Variants in ANKRD30BL observed in about 807,000 individuals in gnomAD.
ANKRD30BL encodes ankyrin repeat domain 30B like.
Under a neutral mutation model 18.4 loss-of-function variants are expected in ANKRD30BL, and 20 were observed. That is an observed-to-expected ratio of 1.09 (90% confidence interval 0.77 to 1.58). The LOEUF (loss-of-function observed/expected upper bound fraction) is 1.58. Ranked by LOEUF, ANKRD30BL falls within the 40% of genes most tolerant of loss-of-function variation. The pLI is 0.00. For synonymous variants in ANKRD30BL, 72 were observed against 100.9 expected (o/e 0.71, Z 1.72); for missense variants, 224 against 268.6 (o/e 0.83, Z 1.16).
intron 1 of ANKRD30BL, among the ~76,000 whole-genome samples, chr2:132,229,931 G>C (rs550342447): frequency 2.0e-5 from 3 of 151,878 alleles, no homozygotes; most frequent in African/African-American, 7.3e-5. Context: ...TATTTGGAAC[G>C]CTTGGAGGCC....
chr2:132,150,724 A>G (rs1465367585), intron 5 of ANKRD30BL, among the ~76,000 whole-genome samples, 188 bp downstream of exon 5: 2 of 151,980 alleles, frequency 1.3e-5, no homozygotes, highest in African/African-American at 2.4e-5. Flanking sequence ...CTACAACTAA[A>G]TTCTTAATGA....
At chr2:132,196,145 AAAAAAAAAAAG>A (rs1678962837) in intron 1 of ANKRD30BL, among the ~76,000 whole-genome samples, 1 of 151,414 alleles carries the variant, frequency 6.6e-6, no homozygotes, top group African/African-American at 2.4e-5. Context: ...CCATCTCAAA[AAAAAAAAAAAG>A]AAAAAGAAAA....
intron 1 of ANKRD30BL, among the ~76,000 whole-genome samples, chr2:132,253,884 G>GGGCCA (rs1475369466): frequency 2.6e-5 from 4 of 152,074 alleles, no homozygotes; most frequent in Non-Finnish European, 4.4e-5. Context: ...GGGCCGGGCC[G>GGGCCA]GGCCAGTGGC....
rs1351509800 is a variant in ANKRD30BL at position 132,161,570 on chromosome 2, C to T, written c.136G>A (p.Ala46Thr). Residue 46 changes from alanine (A) to threonine (T), a missense_variant, in exon 1 of 6, where the codon GCC becomes ACC. By Grantham distance (58) the Ala-to-Thr change is moderately conservative (BLOSUM62 0). This residue lies in a region of ANKRD30BL where 131 missense variants were observed against 128.8 expected (regional missense o/e 1.02). Transcript: ENST00000409867. ...AGCTTCCAGGCTTGGCCCCGGGAGG[C>T]AGCTTTGTGGATCTTCCTGAGATCC... is the stretch of plus-strand genomic sequence containing the variant. The part of the protein sequence containing the change: ...HGDLRKIHKA[A>T]SRGQAWKLER... 6.9e-7 allele frequency: 1 copy of T among 1,456,794 alleles called. No individual in the cohort carries two copies. The highest frequency in any genetic ancestry group is 2.0e-5 in the Admixed American group (1 of 50,860). The allele number at this position is 1,456,794 out of a possible 1,614,324, so 90.2% of individuals were successfully genotyped here. A position where few individuals can be genotyped will look rare whatever the true frequency, so the allele number is the denominator to read the frequency against.
At chr2:132,215,093 T>C (rs1236080687) in intron 1 of ANKRD30BL, among the ~76,000 whole-genome samples, 3 of 151,920 alleles carry the variant, frequency 2.0e-5, no homozygotes, top group Non-Finnish European at 4.4e-5. Flanking sequence ...ACCTTTGTTT[T>C]CATTGAGCAG....
intron 1 of ANKRD30BL, among the ~76,000 whole-genome samples, chr2:132,188,787 TG>T (rs1438721990): frequency 1.6e-4 from 25 of 152,272 alleles, no homozygotes; most frequent in African/African-American, 5.8e-4. Flanking sequence ...ATCCAATACC[TG>T]TAACCTAGAG....
chr2:132,156,525 CT>C (rs1374202797), intron 3 of ANKRD30BL: 6 of 152,166 alleles, frequency 3.9e-5, no homozygotes, highest in Admixed American at 2.6e-4. Context: ...GAAACATATG[CT>C]TTATGTAAAA....
At chr2:132,151,571 C>T (rs1443953059) in intron 4 of ANKRD30BL, among the ~76,000 whole-genome samples, 1 of 151,346 alleles carries the variant, frequency 6.6e-6, no homozygotes, top group African/African-American at 2.4e-5. Flanking sequence ...TCAAGACCAG[C>T]CTGGGCAACA....
At chr2:132,236,639 C>T (rs559620308) in intron 1 of ANKRD30BL, among the ~76,000 whole-genome samples, 14 of 152,044 alleles carry the variant, frequency 9.2e-5, no homozygotes, top group Admixed American at 3.3e-4. Context: ...ATGCTGGAGA[C>T]GATGTGGAGA....
intron 1 of ANKRD30BL, among the ~76,000 whole-genome samples, chr2:132,219,585 C>T (rs1258822061): frequency 3.9e-5 from 6 of 151,996 alleles, no homozygotes; most frequent in Non-Finnish European, 5.9e-5. Context: ...AGTTTTGAAA[C>T]CATCATTTTG....
Position 132,161,503 on chromosome 2 carries a change from C to T in ANKRD30BL, c.203G>A (p.Arg68Lys), listed in dbSNP as rs1245464158. The T allele has an allele frequency of 2.1e-6, 3 of 1,456,644 alleles. No individual in the cohort carries two copies. The East Asian group carries it at 7.4e-5, about 36-fold the overall frequency. 90.2% of individuals were successfully genotyped at this position (1,456,644 alleles called of 1,614,324 possible). A position where few individuals can be genotyped will look rare whatever the true frequency, so the allele number is the denominator to read the frequency against. The change falls in exon 1 of 6, where the codon AGA becomes AAA. Residue 68 changes from arginine (R) to lysine (K), a missense_variant. Arg to Lys is a conservative substitution (Grantham distance 26). Transcript: ENST00000409867. ...GGCCTGGTACCTCTTCTTCGCATCT[C>T]TTATGTTCAGGTCCATTGTCGTCTT... The part of the protein sequence containing the change: ...MKKTTMDLNI[R>K]DAKKRTALYW...
chr2:132,168,340 G>A (rs1688222422), intron 1 of ANKRD30BL, among the ~76,000 whole-genome samples: 2 of 152,220 alleles, frequency 1.3e-5, no homozygotes, highest in African/African-American at 2.4e-5. Flanking sequence ...GGTTTCTTGT[G>A]TATTTTGAAT....
intron 1 of ANKRD30BL, among the ~76,000 whole-genome samples, chr2:132,187,479 T>A (rs1241831418): frequency 6.6e-6 from 1 of 151,964 alleles, no homozygotes; most frequent in Non-Finnish European, 1.5e-5. Flanking sequence ...CACGCCCGGC[T>A]AATTTTTTGT....
intron 1 of ANKRD30BL, among the ~76,000 whole-genome samples, chr2:132,230,612 C>T (rs1048639181): frequency 7.9e-5 from 12 of 151,402 alleles, no homozygotes; most frequent in East Asian, 2.0e-4. Flanking sequence ...ATATTTGGAC[C>T]GCATTGAGGC....
chr2:132,254,000 G>A (rs1680744658), intron 1 of ANKRD30BL, among the ~76,000 whole-genome samples: 1 of 151,788 alleles, frequency 6.6e-6, no homozygotes, highest in Non-Finnish European at 1.5e-5. Context: ...AGGGCACGAT[G>A]ACAGCCCCAG....
At chr2:132,198,311 TCTTTC>T (rs1558928542) in intron 1 of ANKRD30BL, among the ~76,000 whole-genome samples, 19 of 19,106 alleles carry the variant, frequency 9.9e-4, no homozygotes, top group Middle Eastern at 0.029. Context: ...TTTCTTTCTT[TCTTTC>T]TTTCTTTCTT....
chr2:132,168,187 T>A (rs1372049257), intron 1 of ANKRD30BL, among the ~76,000 whole-genome samples: 1 of 152,224 alleles, frequency 6.6e-6, no homozygotes, highest in African/African-American at 2.4e-5. Flanking sequence ...TATATAGAAT[T>A]GCTTTATCCC....
At position 132,160,670 on chromosome 2, in the gene ANKRD30BL, C is replaced by G. The variant is rs1231605459; in HGVS notation, c.218+818G>C. Among the ~76,000 whole-genome samples the G allele has an allele frequency of 2.0e-4, 31 of 151,782 alleles. 1 individual carries two copies. The highest frequency in any genetic ancestry group is 2.0e-3 in the Admixed American group (31 of 15,226). On this transcript the variant is annotated intron_variant, in intron 1 of 5. Coordinates refer to ENST00000409867, the MANE Select transcript of ANKRD30BL (RefSeq NM_001358416.1). ...GTCTCGATCTCCTGACCTCATGATC[C>G]ACCCACCTCGGCCTCCCAAAGTGCT...
intron 1 of ANKRD30BL, among the ~76,000 whole-genome samples, chr2:132,256,320 G>A (rs1262314513): frequency 7.0e-6 from 1 of 143,582 alleles, no homozygotes; most frequent in Non-Finnish European, 1.5e-5. Flanking sequence ...TGGGAGGGGG[G>A]TGGTGGGGCG....
Sources: gnomAD v4.1 joint callset for allele counts (sites outside exome capture counted in the v4.1 genomes callset) on GRCh38, gnomAD v4.1.1 for gene constraint, gnomAD v4.1.1 regional missense constraint, MANE v1.5 for transcripts, NCBI Gene and HGNC (gene_info 2026-07-23, HGNC 2026-07-21) for gene names.